The following PRLR variants were observed in gnomAD, a reference collection of about 807,000 sequenced individuals.
PRLR encodes hPRL receptor.
A neutral mutation model predicts 40.2 loss-of-function variants in PRLR; 13 were observed. The ratio of observed to expected loss-of-function variants is 0.32; its 90% confidence interval spans 0.21 to 0.51. The LOEUF is 0.51. Ranked by LOEUF, PRLR falls within the 20% of genes least tolerant of loss-of-function variation. The pLI is 0.97. For missense variants in PRLR, 656 were observed against 747.3 expected (o/e 0.88, Z 1.42); for synonymous variants, 269 against 278.7 (o/e 0.97, Z 0.35).
intron 1 of PRLR, among the ~76,000 whole-genome samples, chr5:35,188,062 G>A (rs1292832792): frequency 2.0e-5 from 3 of 152,064 alleles, no homozygotes. Flanking sequence ...AACCTTTTTT[G>A]TCAGGCAGGT....
intron 1 of PRLR, among the ~76,000 whole-genome samples, chr5:35,181,538 C>T (rs7707188): frequency 0.025 from 3,783 of 152,256 alleles, 158 homozygotes; most frequent in African/African-American, 0.087. Flanking sequence ...TTAGAAGAGT[C>T]CTTCTTCATC....
intron 2 of PRLR, among the ~76,000 whole-genome samples, chr5:35,107,913 C>A (rs1490197042): frequency 6.6e-6 from 1 of 152,122 alleles, no homozygotes; most frequent in Non-Finnish European, 1.5e-5. Flanking sequence ...CTGGCAGAGA[C>A]ACACACAAAA....
downstream of PRLR, among the ~76,000 whole-genome samples, chr5:35,052,895 A>T (rs1192121446): frequency 6.6e-6 from 1 of 152,210 alleles, no homozygotes. Context: ...GTTGAAACTA[A>T]GCATAAAAAT....
At position 35,062,498 on chromosome 5, in the gene PRLR, T is replaced by C. The variant is rs1158331401; in HGVS notation, c.*2591A>G. ...TCAGATAAACAGTGCTAATTGATCATAGAATTAAAGTCTTGGCCTAATGAG... is the reference window on the plus strand; with the variant it reads ...TCAGATAAACAGTGCTAATTGATCACAGAATTAAAGTCTTGGCCTAATGAG... On this transcript the variant is annotated 3_prime_UTR_variant, in exon 10 of 10. Transcript: ENST00000618457. 1.3e-5 allele frequency: 2 copies of C among 150,688 alleles called. No homozygotes were observed. Among genetic ancestry groups the C allele is most frequent in the Non-Finnish European group, 2.9e-5 (2 of 67,982 alleles). 9.3% of individuals were successfully genotyped at this position (150,688 alleles called of 1,614,324 possible). A position where few individuals can be genotyped will look rare whatever the true frequency, so the allele number is the denominator to read the frequency against.
intron 1 of PRLR, among the ~76,000 whole-genome samples, chr5:35,143,781 A>G (rs1002094728): frequency 6.6e-6 from 1 of 152,230 alleles, no homozygotes; most frequent in African/African-American, 2.4e-5. Context: ...AAACATGTTT[A>G]TGTATTCACG....
intron 2 of PRLR, among the ~76,000 whole-genome samples, chr5:35,116,111 G>T (rs1162157782): frequency 1.3e-5 from 2 of 152,094 alleles, no homozygotes; most frequent in Admixed American, 6.6e-5. Flanking sequence ...GGGAAAGGGT[G>T]GAGGATGATG....
intron 1 of PRLR, among the ~76,000 whole-genome samples, chr5:35,120,486 G>C (rs1351389425): frequency 2.0e-5 from 3 of 152,158 alleles, no homozygotes; most frequent in Non-Finnish European, 4.4e-5. Context: ...GTAAAATTTT[G>C]TATATACTTC....
At chr5:35,152,675 T>C (rs1774374877) in intron 1 of PRLR, 1 of 152,222 alleles carries the variant, frequency 6.6e-6, no homozygotes, top group Admixed American at 6.5e-5. Flanking sequence ...CTTCACAATA[T>C]ATTGGGAGTT....
chr5:35,198,280 A>C (rs1035742436), intron 1 of PRLR, among the ~76,000 whole-genome samples: 1 of 152,222 alleles, frequency 6.6e-6, no homozygotes, highest in Non-Finnish European at 1.5e-5. Context: ...GAGCCCCAGC[A>C]GAGTATCGCT....
intron 8 of PRLR, among the ~76,000 whole-genome samples, 187 bp from the exon 9 acceptor site, chr5:35,068,472 G>C (rs757331310): frequency 2.6e-5 from 4 of 152,130 alleles, no homozygotes; most frequent in Non-Finnish European, 5.9e-5. Flanking sequence ...AGCTAATTAA[G>C]GAGGCTGATT....
At position 35,068,651 on chromosome 5, in the gene PRLR, G is replaced by A. The variant is rs182384324; in HGVS notation, c.785+128C>T. ...CACTGATAAAAGATTTTTTTTATGG[G>A]CAAACACACTACATCTAATGGCTAA... On this transcript the variant is annotated intron_variant, in intron 8 of 9. Coordinates refer to ENST00000618457, the MANE Select transcript of PRLR (RefSeq NM_000949.7). 3.1e-5 allele frequency: 23 copies of A among 749,338 alleles called. 1 individual carries two copies. The East Asian group carries it at 5.7e-4, about 18-fold the overall frequency. 46.4% of individuals were successfully genotyped at this position (749,338 alleles called of 1,614,324 possible).
intron 1 of PRLR, among the ~76,000 whole-genome samples, chr5:35,127,438 T>C (rs1773507677): frequency 6.6e-6 from 1 of 152,158 alleles, no homozygotes; most frequent in Admixed American, 6.5e-5. Context: ...ACCCCAACTC[T>C]CCACAAACTT....
Position 35,211,144 on chromosome 5 carries a change from G to A in PRLR, c.-106+19124C>T, listed in dbSNP as rs539043373. Among the ~76,000 whole-genome samples, 3 of 152,332 alleles carry A rather than the reference G, an allele frequency of 2.0e-5. No homozygotes were observed. In the East Asian group the frequency reaches 5.8e-4, roughly 29 times the overall value. On this transcript the variant is annotated intron_variant, in intron 1 of 9. Coordinates refer to ENST00000618457, the MANE Select transcript of PRLR (RefSeq NM_000949.7). ...ATTAAGGTTTAAAGAATTACGGAAT[G>A]CATTTGTAGCCAGTTTAGAGCACTT... is the stretch of plus-strand genomic sequence containing the variant.
At chr5:35,127,275 A>C (rs1773502226) in intron 1 of PRLR, among the ~76,000 whole-genome samples, 1 of 152,194 alleles carries the variant, frequency 6.6e-6, no homozygotes, top group East Asian at 1.9e-4. Context: ...TTCCATGTGC[A>C]TGCCATTAAG....
At chr5:35,148,574 G>C (rs1774252064) in intron 1 of PRLR, among the ~76,000 whole-genome samples, 1 of 152,064 alleles carries the variant, frequency 6.6e-6, no homozygotes, top group Non-Finnish European at 1.5e-5. Context: ...CATTTTAGAA[G>C]GTTTAGATTT....
At chr5:35,095,775 T>G (rs754325519) in intron 2 of PRLR, among the ~76,000 whole-genome samples, 22 of 152,242 alleles carry the variant, frequency 1.4e-4, no homozygotes, top group Non-Finnish European at 1.0e-4. Context: ...GTACCCTGTT[T>G]TGAGGTACCC....
chr5:35,116,750 G>A (rs962451834), intron 2 of PRLR, among the ~76,000 whole-genome samples: 6 of 152,206 alleles, frequency 3.9e-5, no homozygotes, highest in African/African-American at 1.4e-4. Flanking sequence ...CTATTATGCT[G>A]TGGGGCACTC....
downstream of PRLR, among the ~76,000 whole-genome samples, chr5:35,055,070 T>G (rs1768647955): frequency 6.6e-6 from 1 of 152,224 alleles, no homozygotes; most frequent in Non-Finnish European, 1.5e-5. Context: ...TCTATATATG[T>G]TCAAGTATTT....
chr5:35,192,870 G>T (rs1483931589), intron 1 of PRLR, among the ~76,000 whole-genome samples: 1 of 152,154 alleles, frequency 6.6e-6, no homozygotes, highest in Non-Finnish European at 1.5e-5. Context: ...AGACATCCAG[G>T]TACAGCAGAA....
Sources: gnomAD v4.1 joint callset for allele counts (sites outside exome capture counted in the v4.1 genomes callset) on GRCh38, gnomAD v4.1.1 for gene constraint, MANE v1.5 for transcripts, NCBI Gene and HGNC (gene_info 2026-07-23, HGNC 2026-07-21) for gene names.